Variants in ATOSA observed in about 807,000 individuals in gnomAD.
ATOSA encodes the protein atos homolog protein A.
chr15:52,592,824 G>GT, the ATOSA span, among the ~76,000 whole-genome samples: 1 of 152,166 alleles, frequency 6.6e-6, no homozygotes. Context: ...AGACATTAGC[G>GT]TGAGTCTGAA....
At chr15:52,678,380 C>G in the ATOSA span, 1 of 362,120 alleles carries the variant, frequency 2.8e-6, no homozygotes, top group African/African-American at 2.0e-5. Flanking sequence ...TATTTATAAC[C>G]TGGAGGTACA....
chr15:52,647,820 C>A, the ATOSA span, among the ~76,000 whole-genome samples: 1 of 152,136 alleles, frequency 6.6e-6, no homozygotes, highest in East Asian at 1.9e-4. Flanking sequence ...ACAAACAGAA[C>A]AAATGTTTCT....
the ATOSA span, among the ~76,000 whole-genome samples, chr15:52,654,512 C>T: frequency 6.6e-6 from 1 of 152,108 alleles, no homozygotes. Flanking sequence ...TGAAATTATA[C>T]ACAAGTGTTA....
the ATOSA span, among the ~76,000 whole-genome samples, chr15:52,582,703 T>G: frequency 6.6e-6 from 1 of 152,154 alleles, no homozygotes; most frequent in Non-Finnish European, 1.5e-5. Flanking sequence ...ATCTTCTAGC[T>G]CCATAGACTG....
the ATOSA span, among the ~76,000 whole-genome samples, chr15:52,676,361 T>C: frequency 2.0e-5 from 3 of 152,178 alleles, no homozygotes; most frequent in Non-Finnish European, 4.4e-5. Context: ...ATCAATTCAA[T>C]GGGTGGTGAC....
chr15:52,639,013 G>C, the ATOSA span, among the ~76,000 whole-genome samples: 1 of 149,672 alleles, frequency 6.7e-6, no homozygotes, highest in Non-Finnish European at 1.5e-5. Flanking sequence ...TGGAGAAAGT[G>C]ACTTGAAATT....
At chr15:52,585,278 G>C in the ATOSA span, 1 of 172,050 alleles carries the variant, frequency 5.8e-6, no homozygotes, top group Non-Finnish European at 1.2e-5. Context: ...ATCCTTATTG[G>C]GTTAAAATAT....
the ATOSA span, among the ~76,000 whole-genome samples, chr15:52,621,292 G>T: frequency 6.6e-6 from 1 of 152,080 alleles, no homozygotes; most frequent in African/African-American, 2.4e-5. Flanking sequence ...TATAAGCACA[G>T]ACATACATAC....
chr15:52,696,414 C>G, the ATOSA span, among the ~76,000 whole-genome samples: 1,271 of 152,266 alleles, frequency 8.3e-3, 17 homozygotes, highest in African/African-American at 0.029. Context: ...ATTGGCCTCC[C>G]TGCCTTTCAC....
chr15:52,687,235 C>T, the ATOSA span, among the ~76,000 whole-genome samples: 3 of 152,158 alleles, frequency 2.0e-5, no homozygotes, highest in African/African-American at 7.2e-5. Context: ...GAAACCCCAT[C>T]TCCACTACAA....
chr15:52,694,168 ATT>A, the ATOSA span, among the ~76,000 whole-genome samples: 46,164 of 143,750 alleles, frequency 0.32, 8,696 homozygotes, highest in South Asian at 0.44. Flanking sequence ...ATATATATAT[ATT>A]TTTTTTTTTT....
At chr15:52,682,926 C>G in the ATOSA span, among the ~76,000 whole-genome samples, 2 of 152,194 alleles carry the variant, frequency 1.3e-5, no homozygotes, top group Non-Finnish European at 2.9e-5. Flanking sequence ...CTTCTACCTT[C>G]ACATAAGTTG....
chr15:52,626,548 C>T, the ATOSA span, among the ~76,000 whole-genome samples: 1 of 118,810 alleles, frequency 8.4e-6, no homozygotes. Flanking sequence ...AAAAAGAGAG[C>T]GAGAGAATGG....
At chr15:52,687,322 G>T in the ATOSA span, among the ~76,000 whole-genome samples, 1 of 152,174 alleles carries the variant, frequency 6.6e-6, no homozygotes, top group Non-Finnish European at 1.5e-5. Context: ...GGAAAATGGC[G>T]TGAGCCCGGG....
At chr15:52,649,077 T>C in the ATOSA span, among the ~76,000 whole-genome samples, 20 of 152,318 alleles carry the variant, frequency 1.3e-4, no homozygotes, top group African/African-American at 4.3e-4. Context: ...GAATTTTTGA[T>C]ACTATAACAT....
At chr15:52,638,625 C>A in the ATOSA span, among the ~76,000 whole-genome samples, 1 of 150,622 alleles carries the variant, frequency 6.6e-6, no homozygotes, top group Non-Finnish European at 1.5e-5. Flanking sequence ...CACTTGAACC[C>A]GGGAGGCGGA....
At chr15:52,605,441 T>A in the ATOSA span, among the ~76,000 whole-genome samples, 1 of 152,164 alleles carries the variant, frequency 6.6e-6, no homozygotes, top group Non-Finnish European at 1.5e-5. Flanking sequence ...ATTTTTTTTC[T>A]GATTTTGGAG....
chr15:52,700,883 T>C, the ATOSA span, among the ~76,000 whole-genome samples: 426 of 152,336 alleles, frequency 2.8e-3, 3 homozygotes, highest in African/African-American at 9.7e-3. Context: ...TTGGTTAGAA[T>C]ACCTAGTCAT....
chr15:52,621,177 T>C, the ATOSA span, among the ~76,000 whole-genome samples: 4 of 152,150 alleles, frequency 2.6e-5, no homozygotes, highest in African/African-American at 9.7e-5. Flanking sequence ...AGATCTAAAA[T>C]AATGACATAC....
Sources: gnomAD v4.1 joint callset for allele counts (sites outside exome capture counted in the v4.1 genomes callset) on GRCh38, gnomAD v4.1.1 for gene constraint, MANE v1.5 for transcripts, NCBI Gene and HGNC (gene_info 2026-07-23, HGNC 2026-07-21) for gene names.